MYOF: variants seen among roughly 807,000 people sequenced by gnomAD.
MYOF encodes the protein myoferlin.
In MYOF, 244 loss-of-function variants were observed where a neutral mutation model predicts 284.2. That is an observed-to-expected ratio of 0.86 (90% CI 0.77 to 0.95). MYOF has a LOEUF of 0.95. Among genes scored for constraint, MYOF ranks in the 40% least tolerant of loss-of-function variants. The pLI is 0.00. For missense variants in MYOF, 2,496 were observed against 2,560.6 expected, an observed-to-expected ratio of 0.97 and a Z score of 0.54; for synonymous variants, 904 against 919.7, an observed-to-expected ratio of 0.98 and a Z score of 0.31.
At chr10:93,331,796 C>T (rs1221387217) in intron 43 of MYOF, among the ~76,000 whole-genome samples, 1 of 151,880 alleles carries the variant, frequency 6.6e-6, no homozygotes, top group East Asian at 1.9e-4. Flanking sequence ...CCAACAAACC[C>T]GAGAAGGAAA....
rs141611769 is a variant in MYOF, at chr10:93,325,669, A to C, written c.5271+157T>G. Among the ~76,000 whole-genome samples, 17 of 152,290 alleles carry C rather than the reference A, an allele frequency of 1.1e-4. No individual in the cohort carries two copies. In the East Asian group the frequency reaches 3.3e-3, roughly 29 times the overall value. On this transcript the variant is annotated intron_variant, in intron 46 of 53. Transcript: ENST00000359263. The stretch of plus-strand genomic sequence containing the variant: ...TAGAGAGTTACCTGAAAATTCTTAC[A>C]AAAAAATTCCCTTTTGATATGACGC...
Position 93,355,639 on chromosome 10 carries a change from C to T in MYOF, c.3392G>A (p.Cys1131Tyr). The change falls in exon 31 of 54, where the codon TGC becomes TAC. Residue 1131 changes from cysteine (C) to tyrosine (Y), a missense_variant. Transcript: ENST00000359263. ...VFGANTPIVS[C>Y]NFDRVYIYHL... ...AAAACAAAACTCACTGTCAAAATTG[C>T]AGGAAACAATGGGGGTGTTTGCTCC... 1 of 1,603,912 alleles carries T rather than the reference C, an allele frequency of 6.2e-7. No individual in the cohort carries two copies. The highest frequency in any genetic ancestry group is 8.5e-7 in the Non-Finnish European group (1 of 1,173,854).
intron 45 of MYOF, 52 bp from the exon 46 acceptor site, chr10:93,326,017 G>T: frequency 6.2e-7 from 1 of 1,610,402 alleles, no homozygotes; most frequent in Non-Finnish European, 8.5e-7. Flanking sequence ...GAATAGTTCA[G>T]CCAGATTGCC....
chr10:93,443,031 G>A (rs549922470), intron 3 of MYOF, among the ~76,000 whole-genome samples: 8 of 152,254 alleles, frequency 5.3e-5, no homozygotes, highest in Admixed American at 2.6e-4. Flanking sequence ...GCATGGTGGC[G>A]TGTGCCTGTA....
intron 3 of MYOF, among the ~76,000 whole-genome samples, chr10:93,437,550 C>T (rs978378118): frequency 6.6e-6 from 1 of 152,228 alleles, no homozygotes; most frequent in African/African-American, 2.4e-5. Flanking sequence ...AAATAAATCA[C>T]ATGTTGCACT....
At chr10:93,479,959 T>C (rs780625102) in intron 1 of MYOF, among the ~76,000 whole-genome samples, 1 of 152,228 alleles carries the variant, frequency 6.6e-6, no homozygotes, top group Non-Finnish European at 1.5e-5. Flanking sequence ...TTAAAATGTT[T>C]CATCAATGCA....
chr10:93,372,885 C>T, intron 24 of MYOF, 45 bp downstream of exon 24: 1 of 1,609,104 alleles, frequency 6.2e-7, no homozygotes. Context: ...AGGAATACAG[C>T]TTTTGCATTT....
chr10:93,369,236 C>T (rs1348239568), intron 25 of MYOF, among the ~76,000 whole-genome samples: 3 of 133,728 alleles, frequency 2.2e-5, no homozygotes, highest in African/African-American at 8.6e-5. Flanking sequence ...CTGAACATCT[C>T]AAGTGTCCCC....
chr10:93,311,336 G>A (rs909552095), intron 51 of MYOF, among the ~76,000 whole-genome samples: 9 of 151,962 alleles, frequency 5.9e-5, no homozygotes, highest in East Asian at 1.9e-4. Context: ...TTGGCTGGGC[G>A]CAGTGGCTTA....
intron 4 of MYOF, among the ~76,000 whole-genome samples, chr10:93,430,128 G>T (rs1192821730): frequency 6.6e-6 from 1 of 151,450 alleles, no homozygotes; most frequent in East Asian, 2.0e-4. Context: ...TAGAGATGGG[G>T]TTTCACCATG....
intron 3 of MYOF, among the ~76,000 whole-genome samples, chr10:93,443,441 TC>T (rs2134268833): frequency 6.8e-6 from 1 of 147,638 alleles, no homozygotes; most frequent in Admixed American, 7.1e-5. Context: ...CTCTCTTCTC[TC>T]CTCTTTCTTC....
At chr10:93,452,437 G>A (rs567801148) in intron 2 of MYOF, among the ~76,000 whole-genome samples, 1 of 151,658 alleles carries the variant, frequency 6.6e-6, no homozygotes, top group South Asian at 2.1e-4. Flanking sequence ...TGGACTCAAC[G>A]ACTACCACAA....
intron 27 of MYOF, 70 bp from the exon 28 acceptor site, chr10:93,361,627 T>C (rs1845079141): frequency 1.4e-6 from 2 of 1,417,678 alleles, no homozygotes; most frequent in East Asian, 2.3e-5. Flanking sequence ...AAGGGTCCAA[T>C]ATAGTTCCTC....
rs142265404 is a variant in MYOF, at chr10:93,465,794, C to T, written c.89-8857G>A. ...CCTCCCAAAGTGCTGGGATTACAGG[C>T]GTGAGCCACCGCACACAGCTAGATG... On this transcript the variant is annotated intron_variant, in intron 1 of 53. Transcript: ENST00000359263. 8.5e-5 allele frequency among the ~76,000 whole-genome samples: 13 copies of T among 152,286 alleles called. No individual in the cohort carries two copies. In the East Asian group the frequency reaches 1.5e-3, roughly 18 times the overall value.
At position 93,404,005 on chromosome 10, in the gene MYOF, C is replaced by T. The variant is rs374659974; in HGVS notation, c.843+18G>A. ...TCATCTTTCTGTAAGTTGAATGAAGCAGACTGTTGTCACTCACCTTAAATT... is the reference window on the plus strand; with the variant it reads ...TCATCTTTCTGTAAGTTGAATGAAGTAGACTGTTGTCACTCACCTTAAATT... On this transcript the variant is annotated intron_variant, in intron 9 of 53. Coordinates refer to ENST00000359263, the MANE Select transcript of MYOF (RefSeq NM_013451.4). The T allele has an allele frequency of 5.6e-6, 9 of 1,611,878 alleles. No individual in the cohort carries two copies. Among genetic ancestry groups the T allele is most frequent in the African/African-American group, 1.3e-5 (1 of 74,842 alleles).
intron 46 of MYOF, chr10:93,323,656 C>T: frequency 2.6e-6 from 1 of 377,858 alleles, no homozygotes; most frequent in Non-Finnish European, 4.8e-6. Flanking sequence ...CCATCACTAA[C>T]CCAACCCCAA....
rs542020438 is a variant in MYOF, at chr10:93,325,724, A to G, written c.5271+102T>C. The G allele has an allele frequency of 4.4e-6, 6 of 1,348,334 alleles. No individual in the cohort carries two copies. The South Asian group carries it at 7.1e-5, about 16-fold the overall frequency. 83.5% of individuals were successfully genotyped at this position (1,348,334 alleles called of 1,614,324 possible). On this transcript the variant is annotated intron_variant, in intron 46 of 53. Transcript: ENST00000359263. ...TTGAGTCTCATTTCTATTTCTGTGC[A>G]TCTCAAAGTATTCAAAGAAGATAAA...
intron 3 of MYOF, among the ~76,000 whole-genome samples, chr10:93,443,472 C>CTGTGTG (rs5787060): frequency 0.022 from 2,956 of 137,178 alleles, 44 homozygotes; most frequent in African/African-American, 0.044. Context: ...CTCTCTCTCT[C>CTGTGTG]TGTGTGTGTG....
At chr10:93,423,698 T>C (rs997141758) in intron 5 of MYOF, among the ~76,000 whole-genome samples, 2 of 151,380 alleles carry the variant, frequency 1.3e-5, no homozygotes, top group Non-Finnish European at 2.9e-5. Flanking sequence ...CTGGACGTGG[T>C]GGCGGGCGCC....
Sources: gnomAD v4.1 joint callset for allele counts (sites outside exome capture counted in the v4.1 genomes callset) on GRCh38, gnomAD v4.1.1 for gene constraint, MANE v1.5 for transcripts, NCBI Gene and HGNC (gene_info 2026-07-23, HGNC 2026-07-21) for gene names.